Variants in ERBB4 observed in about 807,000 individuals in gnomAD.
ERBB4 encodes the protein erb-b2 receptor tyrosine kinase 4.
Under a neutral mutation model 158.0 loss-of-function variants are expected in ERBB4, and 42 were observed. The observed-to-expected ratio is 0.27, with a 90% CI of 0.21 to 0.34. The LOEUF is 0.34. Ranked by LOEUF, ERBB4 falls within the 10% of genes least tolerant of loss-of-function variation. ERBB4 has a pLI of 1.00. For missense variants in ERBB4, 1,333 were observed against 1,624.1 expected (o/e 0.82, Z 3.08); for synonymous variants, 583 against 558.7 (o/e 1.04, Z -0.61).
chr2:211,387,647 G>C lies in ERBB4; in HGVS notation c.3183+298C>G, dbSNP rs1257219491. Among the ~76,000 whole-genome samples, 3 of 143,778 alleles carry C rather than the reference G, an allele frequency of 2.1e-5. No individual in the cohort carries two copies. The Admixed American group carries it at 2.2e-4, about 10-fold the overall frequency. The allele number at this position is 143,778 out of a possible 152,430, so 94.3% of individuals were successfully genotyped here. On this transcript the variant is annotated intron_variant, in intron 26 of 27. Coordinates refer to ENST00000342788, the MANE Select transcript of ERBB4 (RefSeq NM_005235.3). ...TCATCACTATAATTCTGACTTTTTA[G>C]TACATGACCAATAATCAGGGAAGTA...
chr2:212,183,412 C>A (rs1397147213), intron 1 of ERBB4, among the ~76,000 whole-genome samples: 2 of 151,924 alleles, frequency 1.3e-5, no homozygotes, highest in African/African-American at 4.8e-5. Context: ...TTCATAGTTA[C>A]TGATTTTCAA....
intron 25 of ERBB4, among the ~76,000 whole-genome samples, chr2:211,388,880 A>C (rs935329265): frequency 6.6e-6 from 1 of 152,160 alleles, no homozygotes; most frequent in Non-Finnish European, 1.5e-5. Context: ...TTGAGAACCT[A>C]CTGTCTATGT....
chr2:211,732,704 A>G (rs2074464033), intron 5 of ERBB4, among the ~76,000 whole-genome samples: 1 of 152,198 alleles, frequency 6.6e-6, no homozygotes, highest in Admixed American at 6.5e-5. Flanking sequence ...CACGCCTGTA[A>G]TCCCAGCACT....
At chr2:211,427,836 AT>A (rs57717911) in intron 22 of ERBB4, among the ~76,000 whole-genome samples, 40,014 of 145,022 alleles carry the variant, frequency 0.28, 5,994 homozygotes, top group South Asian at 0.54. Context: ...AAATTGGCTG[AT>A]TTTTTTTTTT....
intron 11 of ERBB4, among the ~76,000 whole-genome samples, chr2:211,702,895 T>G (rs931685858): frequency 2.6e-5 from 4 of 152,156 alleles, no homozygotes; most frequent in Admixed American, 1.3e-4. Flanking sequence ...GAAACTACTT[T>G]TATTTTACTA....
At chr2:211,658,726 T>C (rs2071311996) in intron 15 of ERBB4, among the ~76,000 whole-genome samples, 1 of 152,140 alleles carries the variant, frequency 6.6e-6, no homozygotes, top group Admixed American at 6.5e-5. Flanking sequence ...AAATATATAC[T>C]ATGTAAGGAA....
chr2:211,716,459 G>A (rs1263639170), intron 7 of ERBB4, among the ~76,000 whole-genome samples: 4 of 149,250 alleles, frequency 2.7e-5, no homozygotes, highest in African/African-American at 9.9e-5. Context: ...GGCGGATCAC[G>A]AGGTCAGGAG....
chr2:212,179,786 C>T (rs2081797589), intron 1 of ERBB4, among the ~76,000 whole-genome samples: 1 of 151,550 alleles, frequency 6.6e-6, no homozygotes, highest in African/African-American at 2.4e-5. Context: ...TATAAACACA[C>T]TTTATGATGA....
intron 3 of ERBB4, among the ~76,000 whole-genome samples, chr2:211,793,625 T>G (rs1273708853): frequency 6.6e-6 from 1 of 151,898 alleles, no homozygotes; most frequent in East Asian, 1.9e-4. Context: ...CACACAAGTC[T>G]GTTGGCAGAT....
intron 1 of ERBB4, among the ~76,000 whole-genome samples, chr2:212,419,430 A>T (rs1050561519): frequency 9.2e-5 from 14 of 152,022 alleles, no homozygotes; most frequent in African/African-American, 3.4e-4. Flanking sequence ...CATACTAAAC[A>T]TGGAAATAAG....
intron 20 of ERBB4, among the ~76,000 whole-genome samples, chr2:211,554,623 G>T (rs2067189784): frequency 6.6e-6 from 1 of 152,186 alleles, no homozygotes; most frequent in Non-Finnish European, 1.5e-5. Context: ...TCATATGCTT[G>T]CTTGTGATGG....
chr2:212,387,032 G>A (rs1338066153), intron 1 of ERBB4, among the ~76,000 whole-genome samples: 1 of 151,818 alleles, frequency 6.6e-6, no homozygotes, highest in Non-Finnish European at 1.5e-5. Flanking sequence ...AAGAAAGTGG[G>A]GTATTTTAAC....
chr2:211,721,553 G>A (rs1401530044), intron 7 of ERBB4, among the ~76,000 whole-genome samples: 1 of 140,626 alleles, frequency 7.1e-6, no homozygotes, highest in African/African-American at 2.7e-5. Flanking sequence ...TTATCAATTT[G>A]TTTAAGATCC....
chr2:211,461,888 TA>T (rs1033585663), intron 20 of ERBB4, among the ~76,000 whole-genome samples: 75 of 145,540 alleles, frequency 5.2e-4, no homozygotes, highest in African/African-American at 1.0e-3. Flanking sequence ...CACTGCTATT[TA>T]AAAAAAAAAA....
chr2:211,937,837 G>T lies in ERBB4; in HGVS notation c.421+9593C>A, dbSNP rs114033048. 1.8e-3 allele frequency among the ~76,000 whole-genome samples: 271 copies of T among 152,220 alleles called. 1 individual carries two copies. Among genetic ancestry groups the T allele is most frequent in the Non-Finnish European group, 3.1e-3 (214 of 68,016 alleles). On this transcript the variant is annotated intron_variant, in intron 3 of 27. Coordinates refer to ENST00000342788, the MANE Select transcript of ERBB4 (RefSeq NM_005235.3). ...CAAATTCAAGATGAGATTTTGGTGG[G>T]AACACAGCCAAACCATATCTCTTTG...
At chr2:211,716,155 G>T (rs1241550265) in intron 7 of ERBB4, among the ~76,000 whole-genome samples, 1 of 151,516 alleles carries the variant, frequency 6.6e-6, no homozygotes, top group Admixed American at 6.6e-5. Flanking sequence ...CTGAGGTAGG[G>T]AGTTCAAGAC....
At chr2:212,527,061 G>C (rs1013764313) in intron 1 of ERBB4, among the ~76,000 whole-genome samples, 4 of 151,958 alleles carry the variant, frequency 2.6e-5, no homozygotes, top group African/African-American at 7.2e-5. Flanking sequence ...ATTTCAAGGG[G>C]TAAGACCTTA....
At chr2:211,984,973 C>T (rs1250702334) in intron 2 of ERBB4, among the ~76,000 whole-genome samples, 3 of 152,090 alleles carry the variant, frequency 2.0e-5, no homozygotes, top group African/African-American at 4.8e-5. Flanking sequence ...CTCCGGTGAT[C>T]CACCCACCTC....
At chr2:211,920,480 C>T (rs2079829008) in intron 3 of ERBB4, among the ~76,000 whole-genome samples, 2 of 151,842 alleles carry the variant, frequency 1.3e-5, no homozygotes, top group Admixed American at 1.3e-4. Flanking sequence ...TTTATTACTC[C>T]CAACATACAG....
Sources: gnomAD v4.1 joint callset for allele counts (sites outside exome capture counted in the v4.1 genomes callset) on GRCh38, gnomAD v4.1.1 for gene constraint, MANE v1.5 for transcripts, NCBI Gene and HGNC (gene_info 2026-07-23, HGNC 2026-07-21) for gene names.